Variants in PPP1R9A observed in about 807,000 individuals in gnomAD.
PPP1R9A encodes the protein protein phosphatase 1 regulatory subunit 9A, also known as neurabin-1.
In PPP1R9A, 59 loss-of-function variants were observed where a neutral mutation model predicts 141.9. The observed-to-expected ratio is 0.42, with a 90% confidence interval of 0.34 to 0.52. The LOEUF is 0.52. PPP1R9A is among the 20% of genes least tolerant of loss of function. The probability of loss-of-function intolerance (pLI) is 0.10; values close to 1 mark genes in which losing one functional copy is unlikely to be tolerated. For missense variants in PPP1R9A, 1,444 were observed against 1,611.9 expected (o/e 0.90, Z 1.78); for synonymous variants, 500 against 569.7 (o/e 0.88, Z 1.74).
At chr7:94,999,513 TAAAAA>T (rs895160557) in intron 2 of PPP1R9A, among the ~76,000 whole-genome samples, 2 of 152,302 alleles carry the variant, frequency 1.3e-5, no homozygotes, top group African/African-American at 4.8e-5. Context: ...TCTTCTTACT[TAAAAA>T]AGAAAATCAA....
At chr7:95,281,320 A>T (rs1448525881) in intron 16 of PPP1R9A, among the ~76,000 whole-genome samples, 2 of 152,192 alleles carry the variant, frequency 1.3e-5, no homozygotes, top group Admixed American at 1.3e-4. Flanking sequence ...GTAGAGACGT[A>T]GGTGTCTTCT....
At chr7:95,118,172 A>G (rs939052270) in intron 3 of PPP1R9A, among the ~76,000 whole-genome samples, 3 of 152,224 alleles carry the variant, frequency 2.0e-5, no homozygotes, top group Admixed American at 6.5e-5. Context: ...GCACACATCT[A>G]ACCTTCATGT....
In PPP1R9A at chr7:95,295,696, C is replaced by A. The variant is rs1034079367; in HGVS notation, c.*5393C>A. On this transcript the variant is annotated 3_prime_UTR_variant, in exon 20 of 20. Coordinates refer to ENST00000433360, the MANE Select transcript of PPP1R9A (RefSeq NM_001166160.2). ...TCTTTCAGCTGTATTATTTATACAC[C>A]CAGGTTTTCTGTTAAGGATGTAATC... 1.3e-5 allele frequency: 2 copies of A among 151,994 alleles called. No individual in the cohort carries two copies. The highest frequency in any genetic ancestry group is 4.8e-5 in the African/African-American group (2 of 41,362). 9.4% of individuals were successfully genotyped at this position (151,994 alleles called of 1,614,324 possible). A position where few individuals can be genotyped will look rare whatever the true frequency, so the allele number is the denominator to read the frequency against.
At chr7:94,947,154 G>T (rs1015298174) in intron 2 of PPP1R9A, among the ~76,000 whole-genome samples, 1 of 152,076 alleles carries the variant, frequency 6.6e-6, no homozygotes, top group Non-Finnish European at 1.5e-5. Flanking sequence ...AGGCCATGGA[G>T]CCAGGAACTG....
At chr7:94,999,832 C>T (rs1006739095) in intron 2 of PPP1R9A, among the ~76,000 whole-genome samples, 4 of 149,518 alleles carry the variant, frequency 2.7e-5, no homozygotes, top group Non-Finnish European at 5.9e-5. Context: ...GATAGAGTCT[C>T]ACTCTGTTGC....
chr7:95,261,474 T>A (rs1800415709), intron 12 of PPP1R9A, among the ~76,000 whole-genome samples: 1 of 152,084 alleles, frequency 6.6e-6, no homozygotes, highest in African/African-American at 2.4e-5. Context: ...CATTAGAACA[T>A]AGGTATACCA....
chr7:94,907,705 G>C lies in PPP1R9A; in HGVS notation c.-217+3G>C, dbSNP rs1206002942. 6.7e-6 allele frequency: 1 copy of C among 149,626 alleles called. No individual in the cohort carries two copies. The allele number at this position is 149,626 out of a possible 1,614,324, so 9.3% of individuals were successfully genotyped here. A position where few individuals can be genotyped will look rare whatever the true frequency, so the allele number is the denominator to read the frequency against. ...TAGAGTTAATCCCATCAGCCGAGGT[G>C]AGGCACCTGTTACCCCGGCCTTCCT... On this transcript the variant is annotated splice_donor_region_variant and intron_variant, in intron 1 of 19. Transcript: ENST00000433360.
chr7:95,194,825 A>T (rs1016810839), intron 5 of PPP1R9A, among the ~76,000 whole-genome samples: 1 of 152,066 alleles, frequency 6.6e-6, no homozygotes, highest in South Asian at 2.1e-4. Flanking sequence ...TAAAAATCTG[A>T]ATGAATATAG....
intron 4 of PPP1R9A, chr7:95,155,993 T>C (rs1584989737): frequency 6.6e-6 from 1 of 152,192 alleles, no homozygotes; most frequent in East Asian, 1.9e-4. Context: ...TTCTGGCTGG[T>C]GATGTCTTTG....
chr7:94,915,083 AG>A (rs1199997712), intron 2 of PPP1R9A, among the ~76,000 whole-genome samples: 1 of 152,204 alleles, frequency 6.6e-6, no homozygotes, highest in African/African-American at 2.4e-5. Context: ...TCTAACTCAC[AG>A]TAAGAAGGAT....
At chr7:94,989,232 T>C (rs1171474357) in intron 2 of PPP1R9A, among the ~76,000 whole-genome samples, 1 of 152,098 alleles carries the variant, frequency 6.6e-6, no homozygotes, top group Non-Finnish European at 1.5e-5. Flanking sequence ...AACACTCTTA[T>C]CTAGATACAA....
chr7:94,977,728 G>A (rs1464590585), intron 2 of PPP1R9A, among the ~76,000 whole-genome samples: 1 of 151,762 alleles, frequency 6.6e-6, no homozygotes, highest in African/African-American at 2.4e-5. Flanking sequence ...AGGTGGTGAA[G>A]GATGACTTGG....
chr7:94,911,772 T>A (rs1791477198), intron 2 of PPP1R9A, among the ~76,000 whole-genome samples: 1 of 152,206 alleles, frequency 6.6e-6, no homozygotes. Flanking sequence ...GTGAGATACG[T>A]TCCAATGAAC....
At chr7:95,185,378 A>ATTTTTTTTTTTTTTTT (rs147366122) in intron 5 of PPP1R9A, among the ~76,000 whole-genome samples, 3 of 148,818 alleles carry the variant, frequency 2.0e-5, no homozygotes, top group African/African-American at 7.4e-5. Flanking sequence ...TTTTTATGGG[A>ATTTTTTTTTTTTTTTT]TTTTTTTTTT....
chr7:95,160,619 C>T (rs556567002), intron 4 of PPP1R9A, among the ~76,000 whole-genome samples: 4 of 151,820 alleles, frequency 2.6e-5, no homozygotes, highest in African/African-American at 7.2e-5. Context: ...ATGATCCTGT[C>T]GCCTAGGTAC....
At chr7:95,196,750 C>G (rs753054171) in intron 5 of PPP1R9A, among the ~76,000 whole-genome samples, 7 of 151,784 alleles carry the variant, frequency 4.6e-5, no homozygotes, top group Non-Finnish European at 1.0e-4. Flanking sequence ...TAATATAGGC[C>G]CAGGATGAAG....
chr7:94,996,936 G>A (rs1244089237), intron 2 of PPP1R9A, among the ~76,000 whole-genome samples: 1 of 151,738 alleles, frequency 6.6e-6, no homozygotes, highest in Non-Finnish European at 1.5e-5. Context: ...CCAAGTAGCT[G>A]GGATTACAGG....
chr7:95,006,003 A>T (rs1205290290), intron 2 of PPP1R9A, among the ~76,000 whole-genome samples: 1 of 152,116 alleles, frequency 6.6e-6, no homozygotes, highest in African/African-American at 2.4e-5. Context: ...TCTTGCTTAT[A>T]GATTTCAATT....
intron 4 of PPP1R9A, among the ~76,000 whole-genome samples, chr7:95,139,783 T>C (rs1329426339): frequency 6.6e-6 from 1 of 150,542 alleles, no homozygotes; most frequent in African/African-American, 2.5e-5. Flanking sequence ...GTTCATTGTT[T>C]CATGTACATT....
Sources: gnomAD v4.1 joint callset for allele counts (sites outside exome capture counted in the v4.1 genomes callset) on GRCh38, gnomAD v4.1.1 for gene constraint, MANE v1.5 for transcripts, NCBI Gene and HGNC (gene_info 2026-07-23, HGNC 2026-07-21) for gene names.